Variants in ANGPTL5 observed in about 807,000 individuals in gnomAD.
ANGPTL5 encodes the protein angiopoietin like 5, also known as angiopoietin-related protein 5.
ANGPTL5 carries 34 observed loss-of-function variants against 39.4 expected under a neutral mutation model. The observed-to-expected ratio is 0.86, with a 90% CI of 0.66 to 1.15. The LOEUF is 1.15. ANGPTL5 is among the 50% of genes most tolerant of loss of function. The pLI is 0.00. For synonymous variants in ANGPTL5, 146 were observed against 152.1 expected (o/e 0.96, Z 0.29); for missense variants, 467 against 457.5 (o/e 1.02, Z -0.19).
At position 101,906,642 on chromosome 11, in the gene ANGPTL5, CT is replaced by C. The variant is rs556399579; in HGVS notation, c.241+460del. On this transcript the variant is annotated intron_variant, in intron 3 of 8. Transcript: ENST00000334289. ...CCCAAGATAGTAATAATGTTGCCCC[CT>C]ATAACAAAAGGGCCCACACACTATT... Among the ~76,000 whole-genome samples the C allele has an allele frequency of 9.9e-4, 151 of 152,222 alleles. 4 individuals are homozygous for C. The South Asian group carries it at 0.03, about 31-fold the overall frequency.
chr11:101,900,353 A>G, intron 7 of ANGPTL5, 77 bp downstream of exon 7: 5 of 1,455,038 alleles, frequency 3.4e-6, no homozygotes, highest in Non-Finnish European at 4.8e-6. Context: ...TTTACTACAG[A>G]TCTGACCAAT....
At chr11:101,907,692 C>T in intron 2 of ANGPTL5, 122 bp downstream of exon 2, 2 of 699,826 alleles carry the variant, frequency 2.9e-6, no homozygotes, top group Non-Finnish European at 2.4e-6. Context: ...TTTCTAAATA[C>T]ATGTTTTAAT....
chr11:101,894,956 G>T lies in ANGPTL5; in HGVS notation c.770C>A (p.Ala257Glu). Residue 257 changes from alanine (A) to glutamate (E), a missense_variant, in exon 8 of 9, where the codon GCA becomes GAA. Coordinates refer to ENST00000334289, the MANE Select transcript of ANGPTL5 (RefSeq NM_178127.5). Reference sequence around the variant, plus strand: ...CTCTAGCCAAAAATTATCATATGATGCATAAGCAAGAGTGTCATCTTCAGA... The same window carrying T: ...CTCTAGCCAAAAATTATCATATGATTCATAAGCAAGAGTGTCATCTTCAGA... The part of the protein sequence containing the change: ...LESEDDTLAY[A>E]SYDNFWLEDE... The T allele has an allele frequency of 1.2e-6, 2 of 1,612,572 alleles. No individual in the cohort carries two copies. The highest frequency in any genetic ancestry group is 1.7e-6 in the Non-Finnish European group (2 of 1,178,794).
In ANGPTL5 at chr11:101,907,218, A is replaced by G. The variant is rs1361045359; in HGVS notation, c.126T>C (p.Asp42=). The G allele has an allele frequency of 2.0e-6, 3 of 1,536,992 alleles. No homozygotes were observed. The highest frequency in any genetic ancestry group is 2.3e-5 in the East Asian group (1 of 43,726). Reference sequence around the variant, plus strand: ...TACTTTCATCTTTTGCATTAGATCCATCTTCTACAATGTTAACTACTGAAG... The same window carrying G: ...TACTTTCATCTTTTGCATTAGATCCGTCTTCTACAATGTTAACTACTGAAG... The part of the protein sequence containing the change: ...TDSSVVNIVE[D]GSNAKDESKS... The change falls in exon 3 of 9, where the codon GAT becomes GAC. Residue 42 remains aspartate (D), a synonymous_variant. Coordinates refer to ENST00000334289, the MANE Select transcript of ANGPTL5 (RefSeq NM_178127.5).
At chr11:101,891,881 A>G (rs1939704182) in intron 8 of ANGPTL5, among the ~76,000 whole-genome samples, 1 of 152,198 alleles carries the variant, frequency 6.6e-6, no homozygotes, top group Admixed American at 6.5e-5. Context: ...TTAGGCCAAA[A>G]ATTATAGCAT....
Position 101,890,863 on chromosome 11 carries a change from A to G in ANGPTL5, c.*416T>C, listed in dbSNP as rs979402877. Reference sequence around the variant, plus strand: ...TATATTAATCTGCATAAAGTTATTTATTGTAACTGTCTTCAGTAGAAATTA... The same window carrying G: ...TATATTAATCTGCATAAAGTTATTTGTTGTAACTGTCTTCAGTAGAAATTA... On this transcript the variant is annotated 3_prime_UTR_variant, in exon 9 of 9. Coordinates refer to ENST00000334289, the MANE Select transcript of ANGPTL5 (RefSeq NM_178127.5). The G allele has an allele frequency of 6.3e-6, 1 of 159,074 alleles. No homozygotes were observed. The highest frequency in any genetic ancestry group is 1.8e-4 in the South Asian group (1 of 5,560). 9.9% of individuals were successfully genotyped at this position (159,074 alleles called of 1,614,324 possible).
At chr11:101,905,626 A>T (rs1343853790) in intron 4 of ANGPTL5, 118 bp downstream of exon 4, 1 of 733,440 alleles carries the variant, frequency 1.4e-6, no homozygotes, top group Non-Finnish European at 2.3e-6. Flanking sequence ...TGCCTCTAAC[A>T]TGGTAGGCGC....
intron 1 of ANGPTL5, among the ~76,000 whole-genome samples, chr11:101,909,704 T>A (rs1007873881): frequency 1.7e-4 from 26 of 151,432 alleles, no homozygotes; most frequent in African/African-American, 5.8e-4. Flanking sequence ...AAAAAAAAAA[T>A]AGCCTCAGCC....
chr11:101,907,689 ATAC>A, intron 2 of ANGPTL5, 122 bp downstream of exon 2: 1 of 695,858 alleles, frequency 1.4e-6, no homozygotes, highest in Non-Finnish European at 2.4e-6. Flanking sequence ...ACATTTCTAA[ATAC>A]ATGTTTTAAT....
At chr11:101,915,189 G>A (rs1043438027) in intron 1 of ANGPTL5, 1 of 1,541,442 alleles carries the variant, frequency 6.5e-7, no homozygotes, top group Non-Finnish European at 8.8e-7. Flanking sequence ...CCTGAGAGAC[G>A]GAGTGTAGGG....
intron 5 of ANGPTL5, among the ~76,000 whole-genome samples, chr11:101,902,981 A>T (rs1226763717): frequency 6.6e-6 from 1 of 152,118 alleles, no homozygotes; most frequent in African/African-American, 2.4e-5. Context: ...TTCATTTGGG[A>T]TCAACACTTA....
chr11:101,910,427 AT>A (rs1940073543), intron 1 of ANGPTL5, among the ~76,000 whole-genome samples: 917 of 80,232 alleles, frequency 0.011, 6 homozygotes, highest in African/African-American at 0.026. Context: ...AAAAAAAAAT[AT>A]ATATATATAT....
chr11:101,893,929 A>C (rs1040092334), intron 8 of ANGPTL5, among the ~76,000 whole-genome samples: 5 of 152,184 alleles, frequency 3.3e-5, no homozygotes, highest in African/African-American at 1.2e-4. Flanking sequence ...CCAAGACTAG[A>C]TCAGTGGTTC....
chr11:101,893,386 T>C (rs1330219890), intron 8 of ANGPTL5, among the ~76,000 whole-genome samples: 1 of 152,202 alleles, frequency 6.6e-6, no homozygotes, highest in Non-Finnish European at 1.5e-5. Context: ...TGACCTGCCT[T>C]TACCAAACAC....
intron 4 of ANGPTL5, 44 bp downstream of exon 4, chr11:101,905,700 C>T (rs1939987060): frequency 7.6e-7 from 1 of 1,316,712 alleles, no homozygotes; most frequent in African/African-American, 1.5e-5. Flanking sequence ...AACTATACAT[C>T]AACGTGTACA....
chr11:101,898,980 C>G (rs531449770), intron 7 of ANGPTL5, among the ~76,000 whole-genome samples: 1 of 151,924 alleles, frequency 6.6e-6, no homozygotes, highest in East Asian at 1.9e-4. Context: ...AGCCTTGCAT[C>G]CCAGGGATGA....
At chr11:101,914,517 G>A (rs2282612) in intron 1 of ANGPTL5, among the ~76,000 whole-genome samples, 55,211 of 151,988 alleles carry the variant, frequency 0.36, 10,325 homozygotes, top group East Asian at 0.46. Context: ...GCAAAGGCAA[G>A]GAAGACGACT....
rs554940793 is a variant in ANGPTL5, at chr11:101,895,325, G to A, written c.662-261C>T. 9.9e-5 allele frequency among the ~76,000 whole-genome samples: 15 copies of A among 152,162 alleles called. No homozygotes were observed. In the South Asian group the frequency reaches 3.1e-3, roughly 32 times the overall value. On this transcript the variant is annotated intron_variant, in intron 7 of 8. Transcript: ENST00000334289. ...CTCCCCAAATTAAGTAAAATTTGAGGAGAGAAGATAATAATGATCTCCCCA... is the reference window on the plus strand; with the variant it reads ...CTCCCCAAATTAAGTAAAATTTGAGAAGAGAAGATAATAATGATCTCCCCA...
chr11:101,896,252 G>A (rs751156138), intron 7 of ANGPTL5, among the ~76,000 whole-genome samples: 5 of 150,990 alleles, frequency 3.3e-5, no homozygotes, highest in South Asian at 2.1e-4. Context: ...GTGCGATCTC[G>A]GCTCACTGCA....
Sources: gnomAD v4.1 joint callset for allele counts (sites outside exome capture counted in the v4.1 genomes callset) on GRCh38, gnomAD v4.1.1 for gene constraint, MANE v1.5 for transcripts, NCBI Gene and HGNC (gene_info 2026-07-23, HGNC 2026-07-21) for gene names.